Variants in ZNF236 observed in about 807,000 individuals in gnomAD.
ZNF236 encodes the protein regulated by glucose.
ZNF236 carries 50 observed loss-of-function variants against 191.2 expected under a neutral mutation model. The observed-to-expected ratio is 0.26, with a 90% confidence interval of 0.21 to 0.33. The LOEUF is 0.33. ZNF236 is among the 10% of genes least tolerant of loss of function. The pLI is 1.00. For missense variants in ZNF236, 1,754 were observed against 2,374.5 expected, an observed-to-expected ratio of 0.74 and a Z score of 5.43; for synonymous variants, 907 against 928.8, an observed-to-expected ratio of 0.98 and a Z score of 0.43.
At chr18:76,926,805 A>ATGGTATAAAGGGTGATTAGACTGTGTG (rs1967704079) in intron 22 of ZNF236, among the ~76,000 whole-genome samples, 1 of 37,192 alleles carries the variant, frequency 2.7e-5, no homozygotes, top group African/African-American at 9.9e-5. Flanking sequence ...GTGTGTGTGT[A>ATGGTATAAAGGGTGATTAGACTGTGTG]TATGGTATAA....
At chr18:76,853,942 G>C (rs1975960578) in intron 3 of ZNF236, among the ~76,000 whole-genome samples, 1 of 151,848 alleles carries the variant, frequency 6.6e-6, no homozygotes, top group Admixed American at 6.6e-5. Context: ...CCCAGGAGGT[G>C]GAGGTTGCAA....
At position 76,927,630 on chromosome 18, in the gene ZNF236, A is replaced by G; in HGVS notation, c.4414+113A>G. 7.4e-7 allele frequency: 1 copy of G among 1,357,358 alleles called. No individual in the cohort carries two copies. 84.1% of individuals were successfully genotyped at this position (1,357,358 alleles called of 1,614,324 possible). A position where few individuals can be genotyped will look rare whatever the true frequency, so the allele number is the denominator to read the frequency against. ...TGTCATTTTCTTCTCTTTGTAGAAG[A>G]GAATAAATCAAATGTCCTGAGAATA... is the stretch of plus-strand genomic sequence containing the variant. On this transcript the variant is annotated intron_variant, in intron 24 of 30. Transcript: ENST00000320610. The surrounding 1 kb of genome is among the most constrained non-coding windows in gnomAD (Gnocchi z 5.4).
chr18:76,905,535 A>G (rs1171756298), intron 13 of ZNF236, 120 bp downstream of exon 13: 2 of 820,716 alleles, frequency 2.4e-6, no homozygotes, highest in Non-Finnish European at 3.5e-6. Flanking sequence ...CTCATACTAT[A>G]TGGGCTCAAG....
In ZNF236 at chr18:76,949,733, A is replaced by G. The variant is rs915222045; in HGVS notation, c.4914+2081A>G. On this transcript the variant is annotated intron_variant, in intron 27 of 30. Coordinates refer to ENST00000320610, the MANE Select transcript of ZNF236 (RefSeq NM_001306089.2). Reference sequence around the variant, plus strand: ...GAGTGCAGTGGTGCAATCTCAGCTCACTGCAACCTCCGCCTCCTGGGTTCA... The same window carrying G: ...GAGTGCAGTGGTGCAATCTCAGCTCGCTGCAACCTCCGCCTCCTGGGTTCA... Among the ~76,000 whole-genome samples, 4 of 149,372 alleles carry G rather than the reference A, an allele frequency of 2.7e-5. No homozygotes were observed. The Admixed American group carries it at 2.7e-4, about 10-fold the overall frequency.
intron 6 of ZNF236, among the ~76,000 whole-genome samples, chr18:76,876,281 C>G (rs1476082280): frequency 6.6e-6 from 1 of 152,144 alleles, no homozygotes; most frequent in Non-Finnish European, 1.5e-5. Context: ...GATTTATATT[C>G]TAATTGTAGA....
At chr18:76,864,937 G>A (rs1976364462) in intron 3 of ZNF236, among the ~76,000 whole-genome samples, 1 of 151,982 alleles carries the variant, frequency 6.6e-6, no homozygotes, top group African/African-American at 2.4e-5. Context: ...AATCCAGGAA[G>A]GGAAGAAGAG....
intron 25 of ZNF236, among the ~76,000 whole-genome samples, chr18:76,932,968 A>C (rs1967897092): frequency 1.3e-5 from 2 of 152,292 alleles, no homozygotes; most frequent in South Asian, 4.1e-4. Flanking sequence ...CTGTACCTAT[A>C]AATTCACCTC....
chr18:76,959,666 T>C (rs751122181), intron 28 of ZNF236, 21 bp from the exon 29 acceptor site: 1 of 1,585,732 alleles, frequency 6.3e-7, no homozygotes, highest in South Asian at 1.2e-5. Flanking sequence ...TGTTTCTTGG[T>C]TTCTGTGTGT....
In ZNF236 at chr18:76,959,786, C is replaced by A; in HGVS notation, c.5212C>A (p.Gln1738Lys). The A allele has an allele frequency of 6.2e-7, 1 of 1,614,106 alleles. No individual in the cohort carries two copies. Among genetic ancestry groups the A allele is most frequent in the Non-Finnish European group, 8.5e-7 (1 of 1,179,994 alleles). ...TCEKAFAKPS[Q>K]LERHSRIHTG... is the part of the protein sequence containing the mutation. ...TGAGAAGGCATTTGCCAAACCAAGC[C>A]AGCTGGAGCGCCACAGCCGCATACA... The change falls in exon 29 of 31, where the codon CAG (glutamine) becomes AAG (lysine). Residue 1738 changes from glutamine to lysine, a missense_variant. Gln to Lys is a moderately conservative substitution (Grantham distance 53). This residue lies in a region of ZNF236 where 606 missense variants were observed against 761.5 expected (regional missense o/e 0.80). Transcript: ENST00000320610.
Position 76,871,837 on chromosome 18 carries a change from C to CT in ZNF236, c.667+13dup. The stretch of plus-strand genomic sequence containing the variant: ...TAGGATACACACAGGTATGAAAACA[C>CT]TGACTTCTGGATGACTGACCGTGTG... On this transcript the variant is annotated intron_variant, in intron 5 of 30. Transcript: ENST00000320610. The CT allele has an allele frequency of 6.2e-7, 1 of 1,614,080 alleles. No homozygotes were observed. Among genetic ancestry groups the CT allele is most frequent in the African/African-American group, 1.3e-5 (1 of 75,070 alleles).
At chr18:76,892,957 C>CA (rs1253079117) in intron 9 of ZNF236, among the ~76,000 whole-genome samples, 1 of 152,196 alleles carries the variant, frequency 6.6e-6, no homozygotes, top group Non-Finnish European at 1.5e-5. Flanking sequence ...TTCCATTTGT[C>CA]AGAGTTGGAA....
At chr18:76,823,195 C>T (rs1238057097) in intron 1 of ZNF236, among the ~76,000 whole-genome samples, 1 of 152,054 alleles carries the variant, frequency 6.6e-6, no homozygotes, top group East Asian at 1.9e-4. Context: ...CCGTGGAGCG[C>T]GGGGTCGTGC....
At chr18:76,907,017 T>C (rs1285461318) in intron 13 of ZNF236, among the ~76,000 whole-genome samples, 4 of 152,220 alleles carry the variant, frequency 2.6e-5, no homozygotes, top group African/African-American at 9.6e-5. Context: ...TCAGTTAGCG[T>C]GAGACACACA....
At chr18:76,896,845 A>G (rs1180959378) in intron 10 of ZNF236, among the ~76,000 whole-genome samples, 1 of 151,900 alleles carries the variant, frequency 6.6e-6, no homozygotes, top group African/African-American at 2.4e-5. Context: ...AGTACTGTGC[A>G]TAGGTACTGC....
intron 3 of ZNF236, among the ~76,000 whole-genome samples, chr18:76,866,647 C>T (rs1976416631): frequency 6.6e-6 from 1 of 152,154 alleles, no homozygotes. Flanking sequence ...CCCATGGCCA[C>T]TTAGCATCAT....
At chr18:76,939,592 G>C (rs1352603305) in intron 26 of ZNF236, among the ~76,000 whole-genome samples, 1 of 152,174 alleles carries the variant, frequency 6.6e-6, no homozygotes, top group Non-Finnish European at 1.5e-5. Flanking sequence ...CCAGGTACAG[G>C]AGTCTGTACA....
At chr18:76,916,053 G>A (rs901714849) in intron 19 of ZNF236, among the ~76,000 whole-genome samples, 194 bp downstream of exon 19, 7 of 152,216 alleles carry the variant, frequency 4.6e-5, no homozygotes, top group Non-Finnish European at 1.0e-4. Flanking sequence ...GAGGTGCAAT[G>A]AAGAAAACAT....
chr18:76,833,172 T>G (rs1975222639), intron 1 of ZNF236, among the ~76,000 whole-genome samples: 2 of 152,194 alleles, frequency 1.3e-5, no homozygotes, highest in African/African-American at 4.8e-5. Flanking sequence ...TTTCTTCATT[T>G]CCAATCTTTA....
chr18:76,866,764 A>G (rs1207360197), intron 3 of ZNF236, among the ~76,000 whole-genome samples: 2 of 152,172 alleles, frequency 1.3e-5, no homozygotes, highest in African/African-American at 4.8e-5. Flanking sequence ...GCCTGTGACT[A>G]TACATGGGGT....
Sources: gnomAD v4.1 joint callset for allele counts (sites outside exome capture counted in the v4.1 genomes callset) on GRCh38, gnomAD v4.1.1 for gene constraint, gnomAD v4.1.1 regional missense constraint, Gnocchi (gnomAD v3.1) non-coding constraint, MANE v1.5 for transcripts, NCBI Gene and HGNC (gene_info 2026-07-23, HGNC 2026-07-21) for gene names.